ARL15: variants seen among roughly 807,000 people sequenced by gnomAD.
ARL15 encodes the protein ARF like GTPase 15.
In ARL15, 19 loss-of-function variants were observed where a neutral mutation model predicts 25.2. The observed-to-expected ratio is 0.75, with a 90% CI of 0.53 to 1.10. The LOEUF is 1.10. ARL15 is among the 50% of genes least tolerant of loss of function. ARL15 has a pLI of 0.00. For synonymous variants in ARL15, 94 were observed against 86.8 expected, an observed-to-expected ratio of 1.08 and a Z score of -0.46; for missense variants, 220 against 246.0, an observed-to-expected ratio of 0.89 and a Z score of 0.71.
intron 4 of ARL15, among the ~76,000 whole-genome samples, chr5:53,921,015 T>A (rs531221927): frequency 6.6e-6 from 1 of 152,248 alleles, no homozygotes; most frequent in African/African-American, 2.4e-5. Flanking sequence ...GACATCAGGG[T>A]CCTTGAATAA....
chr5:54,119,657 C>T (rs1193973143), intron 3 of ARL15, among the ~76,000 whole-genome samples: 3 of 152,128 alleles, frequency 2.0e-5, no homozygotes, highest in Non-Finnish European at 4.4e-5. Context: ...CTACCATGTT[C>T]CTCTGTTGAT....
intron 4 of ARL15, among the ~76,000 whole-genome samples, chr5:54,095,066 G>T (rs765491458): frequency 3.7e-4 from 57 of 152,158 alleles, no homozygotes; most frequent in Non-Finnish European, 2.6e-4. Flanking sequence ...CTGTCCTTCA[G>T]TGGGCCTGCA....
At chr5:53,907,610 G>A (rs1745314418) in intron 4 of ARL15, among the ~76,000 whole-genome samples, 1 of 143,944 alleles carries the variant, frequency 6.9e-6, no homozygotes, top group Non-Finnish European at 1.5e-5. Flanking sequence ...CCATTCTCCT[G>A]CCTCAGCCTC....
At chr5:53,952,531 A>C (rs1370116540) in intron 4 of ARL15, among the ~76,000 whole-genome samples, 1 of 152,078 alleles carries the variant, frequency 6.6e-6, no homozygotes, top group Non-Finnish European at 1.5e-5. Flanking sequence ...TTTTAGCACT[A>C]CATTAAAAAA....
In ARL15 at chr5:54,156,923, A is replaced by AT. The variant is rs566032083; in HGVS notation, c.194-2285dup. On this transcript the variant is annotated intron_variant, in intron 2 of 4. Transcript: ENST00000504924. ...AAATTAAGGAAAGTCAGTGCCAATC[A>AT]TAATATTCCTGCTGGCACAGAAATT... 9.8e-5 allele frequency among the ~76,000 whole-genome samples: 15 copies of AT among 152,344 alleles called. No homozygotes were observed. The East Asian group carries it at 2.9e-3, about 29-fold the overall frequency.
At chr5:54,165,164 A>G (rs1754528247) in intron 2 of ARL15, among the ~76,000 whole-genome samples, 1 of 151,958 alleles carries the variant, frequency 6.6e-6, no homozygotes, top group South Asian at 2.1e-4. Context: ...CCTTTGTGCT[A>G]TTGTTCTCAG....
At chr5:53,915,783 A>G (rs1000554130) in intron 4 of ARL15, among the ~76,000 whole-genome samples, 9 of 152,242 alleles carry the variant, frequency 5.9e-5, no homozygotes, top group Non-Finnish European at 1.5e-5. Context: ...AAACAGTCTC[A>G]ACCAGGGCAA....
At chr5:54,098,734 T>A (rs1752356367) in intron 4 of ARL15, among the ~76,000 whole-genome samples, 1 of 152,190 alleles carries the variant, frequency 6.6e-6, no homozygotes, top group Non-Finnish European at 1.5e-5. Context: ...CTAAGTAATT[T>A]GTTTTAATCA....
At chr5:54,289,968 A>C (rs1758284362) in intron 1 of ARL15, among the ~76,000 whole-genome samples, 1 of 152,144 alleles carries the variant, frequency 6.6e-6, no homozygotes, top group African/African-American at 2.4e-5. Context: ...GTCTGCCATC[A>C]GCTTCTACAG....
intron 4 of ARL15, among the ~76,000 whole-genome samples, chr5:54,066,932 A>AT (rs1202788475): frequency 1.3e-5 from 2 of 152,246 alleles, no homozygotes; most frequent in African/African-American, 4.8e-5. Context: ...GCTGGGTAAT[A>AT]CAAGAGGGTC....
rs184623687 is a variant in ARL15 at position 54,275,531 on chromosome 5, T to A, written c.48+34901A>T. Reference sequence around the variant, plus strand: ...CACAGAATAAACAAACATACGGGAGTGGTGAACCTCCTGCAGCCTGCACAT... The same window carrying A: ...CACAGAATAAACAAACATACGGGAGAGGTGAACCTCCTGCAGCCTGCACAT... On this transcript the variant is annotated intron_variant, in intron 1 of 4. Transcript: ENST00000504924. 1.3e-3 allele frequency among the ~76,000 whole-genome samples: 194 copies of A among 151,906 alleles called. 1 individual carries two copies. The highest frequency in any genetic ancestry group is 4.5e-3 in the African/African-American group (187 of 41,414).
chr5:54,065,269 A>G (rs971255041), intron 4 of ARL15, among the ~76,000 whole-genome samples: 1 of 152,244 alleles, frequency 6.6e-6, no homozygotes, highest in African/African-American at 2.4e-5. Context: ...ATGCATATAT[A>G]TTAATCTGGC....
rs1422542356 is a variant in ARL15, at chr5:53,884,887, G to A, written c.*1674C>T. 6.6e-6 allele frequency: 1 copy of A among 152,206 alleles called. No individual in the cohort carries two copies. The highest frequency in any genetic ancestry group is 1.5e-5 in the Non-Finnish European group (1 of 67,978). 9.4% of individuals were successfully genotyped at this position (152,206 alleles called of 1,614,324 possible). A position where few individuals can be genotyped will look rare whatever the true frequency, so the allele number is the denominator to read the frequency against. On this transcript the variant is annotated 3_prime_UTR_variant, in exon 5 of 5. Coordinates refer to ENST00000504924, the MANE Select transcript of ARL15 (RefSeq NM_019087.3). Reference sequence around the variant, plus strand: ...GGAATAAAAGTTTTGTGCTGCTCAGGGATTACACAGTGTTAAAAATATTCA... The same window carrying A: ...GGAATAAAAGTTTTGTGCTGCTCAGAGATTACACAGTGTTAAAAATATTCA...
intron 1 of ARL15, among the ~76,000 whole-genome samples, chr5:54,273,358 T>G (rs1353175426): frequency 6.6e-6 from 1 of 152,166 alleles, no homozygotes; most frequent in Non-Finnish European, 1.5e-5. Context: ...AAGGATACAG[T>G]GTCACCTATG....
chr5:54,125,491 C>T (rs1019374139), intron 3 of ARL15, among the ~76,000 whole-genome samples: 9 of 152,152 alleles, frequency 5.9e-5, no homozygotes, highest in Non-Finnish European at 1.3e-4. Flanking sequence ...CCAACAAAAA[C>T]AGGAATTAGA....
intron 4 of ARL15, among the ~76,000 whole-genome samples, chr5:54,108,555 C>T (rs16882232): frequency 0.019 from 2,843 of 152,140 alleles, 91 homozygotes; most frequent in African/African-American, 0.063. Context: ...GCATTTTACA[C>T]GATTTAAACA....
chr5:54,225,661 T>A (rs553298857), intron 1 of ARL15, among the ~76,000 whole-genome samples: 1 of 152,152 alleles, frequency 6.6e-6, no homozygotes, highest in Admixed American at 6.5e-5. Flanking sequence ...GAGAAAGTGA[T>A]GGCAGGGAGG....
At chr5:53,938,379 A>G (rs1341902993) in intron 4 of ARL15, among the ~76,000 whole-genome samples, 1 of 152,198 alleles carries the variant, frequency 6.6e-6, no homozygotes, top group Non-Finnish European at 1.5e-5. Flanking sequence ...CTGGATAAAT[A>G]TTTTTACTTT....
At chr5:54,015,829 A>T (rs1749409825) in intron 4 of ARL15, among the ~76,000 whole-genome samples, 1 of 152,144 alleles carries the variant, frequency 6.6e-6, no homozygotes. Context: ...GCTTGTTCTG[A>T]AAACCTATAC....
Sources: allele counts gnomAD v4.1 joint callset (sites outside exome capture counted in the v4.1 genomes callset), GRCh38; gene constraint gnomAD v4.1.1; transcripts MANE v1.5; gene names NCBI Gene and HGNC (gene_info 2026-07-23, HGNC 2026-07-21).